Variants in LRP1 observed in about 807,000 individuals in gnomAD.
LRP1 encodes the protein prolow-density lipoprotein receptor-related protein 1.
Under a neutral mutation model 541.5 loss-of-function variants are expected in LRP1, and 51 were observed. That is an observed-to-expected ratio of 0.09 (90% CI 0.08 to 0.12). LRP1 has a LOEUF of 0.12. Ranked by LOEUF, LRP1 falls within the 10% of genes least tolerant of loss-of-function variation. The pLI, the probability that LRP1 is intolerant of heterozygous loss-of-function variation, is 1.00. For missense variants in LRP1, 3,878 were observed against 6,376.2 expected, an observed-to-expected ratio of 0.61 and a Z score of 13.34; for synonymous variants, 2,219 against 2,470.8, an observed-to-expected ratio of 0.90 and a Z score of 3.02.
At chr12:57,166,784 C>T (rs1259715149) in intron 17 of LRP1, 146 bp from the exon 18 acceptor site, 1 of 635,950 alleles carries the variant, frequency 1.6e-6, no homozygotes, top group African/African-American at 1.8e-5. Context: ...TCCAGTGAGA[C>T]CAGAGAGATG....
At position 57,172,526 on chromosome 12, in the gene LRP1, C is replaced by T. The variant is rs1247922624; in HGVS notation, c.3164-642C>T. 3.3e-5 allele frequency among the ~76,000 whole-genome samples: 5 copies of T among 152,110 alleles called. No individual in the cohort carries two copies. In the South Asian group the frequency reaches 6.2e-4, roughly 19 times the overall value. ...CTATCTCGGAGATGAGACTTTGCAG[C>T]GGCTGTTCCCCTTGCCTGGAGTGTG... On this transcript the variant is annotated intron_variant, in intron 20 of 88. Coordinates refer to ENST00000243077, the MANE Select transcript of LRP1 (RefSeq NM_002332.3).
At chr12:57,208,550 G>A (rs2036837366) in intron 77 of LRP1, 161 bp from the exon 78 acceptor site, 1 of 597,938 alleles carries the variant, frequency 1.7e-6, no homozygotes, top group Non-Finnish European at 3.0e-6. Flanking sequence ...CCCTCAACCT[G>A]CTCAGAAGCA....
intron 77 of LRP1, 40 bp from the exon 78 acceptor site, chr12:57,208,671 C>A: frequency 7.4e-7 from 1 of 1,359,190 alleles, no homozygotes; most frequent in South Asian, 1.2e-5. Context: ...CCTCCTCTGG[C>A]CCTCCGGCCT....
chr12:57,194,124 C>G (rs1459120745), intron 48 of LRP1, 112 bp downstream of exon 48: 14 of 1,070,564 alleles, frequency 1.3e-5, no homozygotes, highest in Non-Finnish European at 2.7e-6. Flanking sequence ...TTCCCTCATC[C>G]CCGCTGACAG....
rs776776538 is a variant in LRP1 at position 57,206,473 on chromosome 12, G to A, written c.11591G>A (p.Gly3864Asp). The A allele has an allele frequency of 6.2e-7, 1 of 1,613,686 alleles. No individual in the cohort carries two copies. Among genetic ancestry groups the A allele is most frequent in the Non-Finnish European group, 8.5e-7 (1 of 1,179,790 alleles). Residue 3864 changes from glycine to aspartate, a missense_variant and splice_region_variant, in exon 76 of 89, where the codon GGC becomes GAC. This residue lies in a region of LRP1 where 871 missense variants were observed against 1,212.4 expected (regional missense o/e 0.72). Coordinates refer to ENST00000243077, the MANE Select transcript of LRP1 (RefSeq NM_002332.3). This position sits in a 1 kb window ranked among gnomAD's most constrained non-coding sequence, Gnocchi z 4.7. ...CAGCCCTGGCCTCTTGCTTCTCCAG[G>A]CTCTGAGTACCAGGTCCTGTACATC... is the stretch of plus-strand genomic sequence containing the variant. The part of the protein sequence containing the change: ...MKTHNTCKAE[G>D]SEYQVLYIAD...
chr12:57,149,939 C>T, intron 6 of LRP1: 2 of 588,068 alleles, frequency 3.4e-6, no homozygotes, highest in Non-Finnish European at 6.1e-6. Context: ...CTCCCACTGT[C>T]TTGGAGTGTC....
At chr12:57,151,481 G>A (rs923991925) in intron 6 of LRP1, among the ~76,000 whole-genome samples, 1 of 152,180 alleles carries the variant, frequency 6.6e-6, no homozygotes, top group Non-Finnish European at 1.5e-5. Context: ...AGATTCTCCT[G>A]TCCTCAGGAT....
rs748484318 is a variant in LRP1, at chr12:57,187,346, C to A, written c.6921C>A (p.Ile2307=). 3.7e-6 allele frequency: 6 copies of A among 1,614,114 alleles called. No individual in the cohort carries two copies. Among genetic ancestry groups the A allele is most frequent in the Non-Finnish European group, 5.1e-6 (6 of 1,180,054 alleles). The part of the protein sequence containing the change: ...LYWTSYTTST[I]TRHTVDQTRP... Reference sequence around the variant, plus strand: ...GGACAAGCTACACGACATCCACCATCACGCGCCACACAGTGGACCAGACCC... The same window carrying A: ...GGACAAGCTACACGACATCCACCATAACGCGCCACACAGTGGACCAGACCC... The change falls in exon 42 of 89, where the codon ATC becomes ATA. Residue 2307 remains isoleucine, a synonymous_variant. Transcript: ENST00000243077.
rs1214765762 is a variant in LRP1, at chr12:57,179,153, G to A, written c.4738+132G>A. 7 of 1,353,136 alleles carry A rather than the reference G, an allele frequency of 5.2e-6. No individual in the cohort carries two copies. Among genetic ancestry groups the A allele is most frequent in the Non-Finnish European group, 7.0e-6 (7 of 997,956 alleles). 83.8% of individuals were successfully genotyped at this position (1,353,136 alleles called of 1,614,324 possible). A position where few individuals can be genotyped will look rare whatever the true frequency, so the allele number is the denominator to read the frequency against. ...CCCGATAGGAGAGGCTCCAGAGACA[G>A]CCACTGTGAGAAGGGGCTGCAGGTC... On this transcript the variant is annotated intron_variant, in intron 28 of 88. Coordinates refer to ENST00000243077, the MANE Select transcript of LRP1 (RefSeq NM_002332.3). The surrounding 1 kb of genome is among the most constrained non-coding windows in gnomAD (Gnocchi z 6.8).
At chr12:57,174,045 T>C in intron 22 of LRP1, 65 bp downstream of exon 22, 15 of 1,513,790 alleles carry the variant, frequency 9.9e-6, no homozygotes, top group Non-Finnish European at 1.3e-5. Context: ...CCAAGGACAG[T>C]CTTTGGGGGA....
At position 57,210,158 on chromosome 12, in the gene LRP1, C is replaced by T; in HGVS notation, c.12569C>T (p.Pro4190Leu). The T allele has an allele frequency of 1.2e-6, 2 of 1,600,640 alleles. No homozygotes were observed. The highest frequency in any genetic ancestry group is 2.2e-5 in the South Asian group (2 of 89,150). ...TGCGTGCCTGTGCCCTCTCCAACGC[C>T]CCCCCCAGATGGTATGCTTATGCCC... ...GTCVPVPSPTPPPDAPRPGTC... is the reference protein window; with the variant it reads ...GTCVPVPSPTLPPDAPRPGTC... Residue 4190 changes from proline to leucine, a missense_variant, in exon 81 of 89, where the codon CCC (proline) becomes CTC (leucine). Transcript: ENST00000243077.
At chr12:57,169,001 T>C in intron 19 of LRP1, 139 bp from the exon 20 acceptor site, 1 of 711,546 alleles carries the variant, frequency 1.4e-6, no homozygotes, top group Non-Finnish European at 2.4e-6. Context: ...TTCTGTGTCT[T>C]TTCTGTTTGT....
rs553498758 is a variant in LRP1 at position 57,206,760 on chromosome 12, G to C, written c.11859+19G>C. ...CCTCAACGTGAGTGCCCAACCTGGC[G>C]TGGATGGAGTGGAAGAGCTCCATAG... On this transcript the variant is annotated intron_variant, in intron 76 of 88. Coordinates refer to ENST00000243077, the MANE Select transcript of LRP1 (RefSeq NM_002332.3). This position sits in a 1 kb window ranked among gnomAD's most constrained non-coding sequence, Gnocchi z 4.7. 1.2e-6 allele frequency: 2 copies of C among 1,606,678 alleles called. No homozygotes were observed. The highest frequency in any genetic ancestry group is 1.1e-5 in the South Asian group (1 of 91,032).
chr12:57,150,158 C>A, intron 6 of LRP1: 1 of 158,176 alleles, frequency 6.3e-6, no homozygotes, highest in Admixed American at 6.4e-5. Context: ...GCTCCAGAGG[C>A]CTATGGAGCC....
rs906606306 is a variant in LRP1, at chr12:57,209,680, C to G, written c.12263-12C>G. On this transcript the variant is annotated splice_polypyrimidine_tract_variant and intron_variant, in intron 79 of 88. Coordinates refer to ENST00000243077, the MANE Select transcript of LRP1 (RefSeq NM_002332.3). ...CCCCTCAGGTCCCCTCTGACTCCAC[C>G]TCCTCCCCCAGGCCTAAGTCACCCC... 6.2e-7 allele frequency: 1 copy of G among 1,613,664 alleles called. No individual in the cohort carries two copies. Among genetic ancestry groups the G allele is most frequent in the East Asian group, 2.2e-5 (1 of 44,860 alleles).
intron 31 of LRP1, 71 bp from the exon 32 acceptor site, chr12:57,180,259 C>G (rs914114355): frequency 1.3e-6 from 2 of 1,593,416 alleles, no homozygotes; most frequent in African/African-American, 1.3e-5. Flanking sequence ...TGCCTGTTCT[C>G]ACCATCTGCT....
chr12:57,166,007 G>A, intron 16 of LRP1, 62 bp downstream of exon 16: 1 of 1,612,586 alleles, frequency 6.2e-7, no homozygotes. Flanking sequence ...CTCGGCTCTG[G>A]CAGTGCCTAT....
chr12:57,192,480 C>T (rs1190132267), intron 44 of LRP1, among the ~76,000 whole-genome samples: 2 of 152,164 alleles, frequency 1.3e-5, no homozygotes, highest in East Asian at 3.8e-4. Flanking sequence ...AGTACATGCC[C>T]CAGCGCCCCC....
chr12:57,138,810 C>A (rs570949013), intron 2 of LRP1, among the ~76,000 whole-genome samples: 2 of 152,344 alleles, frequency 1.3e-5, no homozygotes, highest in Admixed American at 6.5e-5. Flanking sequence ...AAGTGCTGCA[C>A]CCCAAGACAG....
Sources: gnomAD v4.1 joint callset for allele counts (sites outside exome capture counted in the v4.1 genomes callset) on GRCh38, gnomAD v4.1.1 for gene constraint, gnomAD v4.1.1 regional missense constraint, Gnocchi (gnomAD v3.1) non-coding constraint, MANE v1.5 for transcripts, NCBI Gene and HGNC (gene_info 2026-07-23, HGNC 2026-07-21) for gene names.